The following GLB1L3 variants were observed in gnomAD, a reference collection of about 807,000 sequenced individuals.
GLB1L3 encodes galactosidase beta 1 like 3.
In GLB1L3, 89 loss-of-function variants were observed where a neutral mutation model predicts 89.5. The observed-to-expected ratio is 0.99, with a 90% CI of 0.84 to 1.19. The LOEUF (loss-of-function observed/expected upper bound fraction) is 1.19, where lower values mean the gene tolerates loss of function less well. Among genes scored for constraint, GLB1L3 ranks in the 50% most tolerant of loss-of-function variants. GLB1L3 has a pLI of 0.00. For missense variants in GLB1L3, 812 were observed against 813.3 expected, an observed-to-expected ratio of 1.00 and a Z score of 0.02; for synonymous variants, 314 against 312.3, an observed-to-expected ratio of 1.01 and a Z score of -0.06.
chr11:134,313,335 G>C, intron 15 of GLB1L3, 61 bp from the exon 16 acceptor site: 1 of 1,342,582 alleles, frequency 7.4e-7, no homozygotes, highest in Non-Finnish European at 1.0e-6. Context: ...TGAAAAAACG[G>C]GTTGTCGGGT....
At chr11:134,299,673 CTA>C (rs773866046) in intron 9 of GLB1L3, among the ~76,000 whole-genome samples, 74 of 152,252 alleles carry the variant, frequency 4.9e-4, no homozygotes, top group Middle Eastern at 3.4e-3. Flanking sequence ...GATCTCTCAG[CTA>C]TAGTATGTGT....
rs1471449284 is a variant in GLB1L3, at chr11:134,277,116, C to T, written c.24-210C>T. ...CCTGTCTGGAGGGTCTAGGACTGAA[C>T]GTCTGTCCCCGGCCTTCATCCTGGC... On this transcript the variant is annotated intron_variant, in intron 1 of 19. Coordinates refer to ENST00000431683, the MANE Select transcript of GLB1L3 (RefSeq NM_001080407.3). The T allele has an allele frequency of 9.0e-6, 6 of 665,610 alleles. No individual in the cohort carries two copies. The Admixed American group carries it at 9.7e-5, about 11-fold the overall frequency. 41.2% of individuals were successfully genotyped at this position (665,610 alleles called of 1,614,324 possible). A position where few individuals can be genotyped will look rare whatever the true frequency, so the allele number is the denominator to read the frequency against.
intron 10 of GLB1L3, among the ~76,000 whole-genome samples, chr11:134,309,000 A>C (rs996807028): frequency 6.6e-5 from 10 of 152,200 alleles, no homozygotes; most frequent in Admixed American, 2.0e-4. Flanking sequence ...TTTGTGGCTA[A>C]AGATTAAGAG....
chr11:134,308,450 C>CAAAT (rs1942461821), intron 10 of GLB1L3, among the ~76,000 whole-genome samples: 1 of 66,204 alleles, frequency 1.5e-5, no homozygotes, highest in African/African-American at 1.2e-4. Flanking sequence ...CCACCATCAC[C>CAAAT]ACCACCACCA....
intron 9 of GLB1L3, among the ~76,000 whole-genome samples, chr11:134,294,570 A>G (rs770588109): frequency 2.0e-4 from 31 of 152,228 alleles, no homozygotes; most frequent in Non-Finnish European, 3.8e-4. Flanking sequence ...TCATCATACA[A>G]TTCAACATAC....
At chr11:134,281,700 C>T (rs1001939934) in intron 4 of GLB1L3, among the ~76,000 whole-genome samples, 97 of 105,822 alleles carry the variant, frequency 9.2e-4, no homozygotes, top group African/African-American at 2.7e-3. Context: ...GGGAGCCGCC[C>T]GACTCTGCAT....
chr11:134,276,878 G>GGCCGC (rs1400161569), intron 1 of GLB1L3, 115 bp downstream of exon 1: 2 of 966,616 alleles, frequency 2.1e-6, no homozygotes, highest in Non-Finnish European at 2.7e-6. Flanking sequence ...CGCCGCGCCG[G>GGCCGC]GCCGCGCCAC....
At chr11:134,289,318 G>C (rs1941205582) in intron 7 of GLB1L3, among the ~76,000 whole-genome samples, 1 of 152,086 alleles carries the variant, frequency 6.6e-6, no homozygotes. Flanking sequence ...AACAGGCTGA[G>C]GGGGAGGAGG....
chr11:134,296,215 G>C (rs2136160786), intron 9 of GLB1L3, among the ~76,000 whole-genome samples: 1 of 147,704 alleles, frequency 6.8e-6, no homozygotes, highest in East Asian at 2.0e-4. Flanking sequence ...AGGATGTGGA[G>C]AAATAGGAAC....
At chr11:134,323,220 C>G (rs1943186647), downstream of GLB1L3, among the ~76,000 whole-genome samples, 1 of 152,146 alleles carries the variant, frequency 6.6e-6, no homozygotes, top group African/African-American at 2.4e-5. Flanking sequence ...TGCAATTGGA[C>G]TTTAAGATAA....
chr11:134,290,575 CCG>C lies in GLB1L3; in HGVS notation c.730-1555_730-1554del, dbSNP rs1941299832. 3.6e-5 allele frequency among the ~76,000 whole-genome samples: 4 copies of C among 111,048 alleles called. No individual in the cohort carries two copies. The East Asian group carries it at 6.5e-4, about 18-fold the overall frequency. 72.9% of individuals were successfully genotyped at this position (111,048 alleles called of 152,430 possible). On this transcript the variant is annotated intron_variant, in intron 7 of 19. Coordinates refer to ENST00000431683, the MANE Select transcript of GLB1L3 (RefSeq NM_001080407.3). ...GTGACAGAGTGAGACTCGTCCCCCC[CCG>C]CCAAAAAAAAAGAAAAGAAAAAAAA...
chr11:134,315,651 C>T (rs951323745), intron 18 of GLB1L3, among the ~76,000 whole-genome samples: 1 of 152,114 alleles, frequency 6.6e-6, no homozygotes, highest in African/African-American at 2.4e-5. Context: ...TTCCCCTTGT[C>T]ATTTGTTACA....
At chr11:134,303,988 A>AT (rs941604343) in intron 9 of GLB1L3, among the ~76,000 whole-genome samples, 1 of 151,936 alleles carries the variant, frequency 6.6e-6, no homozygotes, top group African/African-American at 2.4e-5. Context: ...ATTACTAAGA[A>AT]TTTTTTGTTT....
chr11:134,308,498 A>ACCACCACC (rs1565414080), intron 10 of GLB1L3, among the ~76,000 whole-genome samples: 14 of 5,678 alleles, frequency 2.5e-3, no homozygotes, highest in Admixed American at 5.6e-3. Context: ...ATCACCACCA[A>ACCACCACC]ATACCACCAC....
chr11:134,276,896 G>T, intron 1 of GLB1L3, 133 bp downstream of exon 1: 1 of 770,102 alleles, frequency 1.3e-6, no homozygotes, highest in Non-Finnish European at 1.8e-6. Context: ...CACCAAGCCC[G>T]CTGTCCCCAG....
At chr11:134,309,841 C>T in intron 11 of GLB1L3, 78 bp downstream of exon 11, 3 of 1,488,762 alleles carry the variant, frequency 2.0e-6, no homozygotes, top group Non-Finnish European at 2.8e-6. Flanking sequence ...GAAGCCTGTT[C>T]TGGCACCACT....
At chr11:134,320,894 CATT>C (rs1943158342), downstream of GLB1L3, among the ~76,000 whole-genome samples, 1 of 152,140 alleles carries the variant, frequency 6.6e-6, no homozygotes, top group African/African-American at 2.4e-5. Context: ...ACTAGTTTCT[CATT>C]ATATCATCTG....
chr11:134,300,635 C>T (rs1173760107), intron 9 of GLB1L3, among the ~76,000 whole-genome samples: 1 of 151,906 alleles, frequency 6.6e-6, no homozygotes, highest in Non-Finnish European at 1.5e-5. Context: ...CGCCCGGCCC[C>T]TATTGACCAC....
chr11:134,289,930 G>A (rs1224459059), intron 7 of GLB1L3, among the ~76,000 whole-genome samples: 1 of 152,218 alleles, frequency 6.6e-6, no homozygotes, highest in African/African-American at 2.4e-5. Context: ...GGCCTGAGCC[G>A]TCCTGACTCC....
Sources: allele counts gnomAD v4.1 joint callset (sites outside exome capture counted in the v4.1 genomes callset), GRCh38; gene constraint gnomAD v4.1.1; transcripts MANE v1.5; gene names NCBI Gene and HGNC (gene_info 2026-07-23, HGNC 2026-07-21).